The following FHOD3 variants were observed in gnomAD, a reference collection of about 807,000 sequenced individuals.
The protein encoded by FHOD3 is formin homology 2 domain containing 3, also known as FH1/FH2 domain-containing protein 3.
In FHOD3, 90 loss-of-function variants were observed where a neutral mutation model predicts 173.0. The observed-to-expected ratio is 0.52, with a 90% CI of 0.44 to 0.62. FHOD3 has a LOEUF of 0.62. Among genes scored for constraint, FHOD3 ranks in the 20% least tolerant of loss-of-function variants. The pLI is 0.00. For missense variants in FHOD3, 1,945 were observed against 2,034.7 expected (o/e 0.96, Z 0.85); for synonymous variants, 828 against 823.0 (o/e 1.01, Z -0.10).
Position 36,660,594 on chromosome 18 carries a change from A to G in FHOD3, c.1835+2406A>G, listed in dbSNP as rs140497581. 4.3e-4 allele frequency among the ~76,000 whole-genome samples: 66 copies of G among 152,314 alleles called. 1 individual carries two copies. In the East Asian group the frequency reaches 0.013, roughly 29 times the overall value. On this transcript the variant is annotated intron_variant, in intron 14 of 28. Coordinates refer to ENST00000590592, the MANE Select transcript of FHOD3 (RefSeq NM_001281740.3). Reference sequence around the variant, plus strand: ...GGGTAAGAGGAGACGCAAAATGAGTAGAGGTTCAGGCTTGCACGAGTGTAT... The same window carrying G: ...GGGTAAGAGGAGACGCAAAATGAGTGGAGGTTCAGGCTTGCACGAGTGTAT...
At chr18:36,510,817 GAA>G (rs1326568390) in intron 4 of FHOD3, among the ~76,000 whole-genome samples, 12 of 152,034 alleles carry the variant, frequency 7.9e-5, no homozygotes, top group Non-Finnish European at 1.8e-4. Context: ...TGATTATCTT[GAA>G]GTCTGAGTTA....
At chr18:36,708,118 G>T (rs752636133) in intron 17 of FHOD3, among the ~76,000 whole-genome samples, 1 of 152,168 alleles carries the variant, frequency 6.6e-6, no homozygotes, top group East Asian at 1.9e-4. Context: ...AAGCCAGATT[G>T]TGCCATTTCC....
chr18:36,564,683 C>T (rs953370189), intron 5 of FHOD3, among the ~76,000 whole-genome samples: 3 of 152,128 alleles, frequency 2.0e-5, no homozygotes, highest in African/African-American at 7.2e-5. Context: ...GAAAGAAGCA[C>T]ATCAGTGTCA....
At chr18:36,532,221 A>G (rs2056813282) in intron 5 of FHOD3, among the ~76,000 whole-genome samples, 1 of 152,256 alleles carries the variant, frequency 6.6e-6, no homozygotes, top group Non-Finnish European at 1.5e-5. Flanking sequence ...GAGTACACCA[A>G]GAAAGTATGG....
intron 3 of FHOD3, among the ~76,000 whole-genome samples, chr18:36,390,792 T>A (rs1043293718): frequency 1.3e-5 from 2 of 152,064 alleles, no homozygotes; most frequent in African/African-American, 4.8e-5. Flanking sequence ...CTGGAGTGAT[T>A]CTCCACTCCC....
chr18:36,580,170 C>A (rs535071216), intron 6 of FHOD3, among the ~76,000 whole-genome samples: 1 of 152,180 alleles, frequency 6.6e-6, no homozygotes, highest in East Asian at 1.9e-4. Flanking sequence ...TTCCCAGCCT[C>A]CCCATCCTAC....
chr18:36,771,991 C>T (rs940274294), intron 28 of FHOD3, among the ~76,000 whole-genome samples: 1 of 152,218 alleles, frequency 6.6e-6, no homozygotes, highest in Non-Finnish European at 1.5e-5. Context: ...TTCTTAGACT[C>T]ATAATGTCAC....
chr18:36,532,975 G>T (rs2056848206), intron 5 of FHOD3, among the ~76,000 whole-genome samples: 1 of 152,212 alleles, frequency 6.6e-6, no homozygotes, highest in South Asian at 2.1e-4. Flanking sequence ...GCCCCATTGG[G>T]TGGCCTGCCT....
chr18:36,754,378 T>C (rs957436811), intron 24 of FHOD3, among the ~76,000 whole-genome samples: 1 of 152,196 alleles, frequency 6.6e-6, no homozygotes, highest in Non-Finnish European at 1.5e-5. Context: ...CTGTGTTCTT[T>C]CTCATTTCCT....
chr18:36,503,986 G>A (rs2055169343), intron 4 of FHOD3, among the ~76,000 whole-genome samples: 1 of 152,192 alleles, frequency 6.6e-6, no homozygotes, highest in South Asian at 2.1e-4. Context: ...GTTAAGTGGT[G>A]TGATCTTGGC....
chr18:36,540,213 G>A (rs978394344), intron 5 of FHOD3, among the ~76,000 whole-genome samples: 1 of 152,182 alleles, frequency 6.6e-6, no homozygotes, highest in African/African-American at 2.4e-5. Context: ...GTAATGTCAC[G>A]TGTCAAAGCA....
At chr18:36,409,971 A>C (rs2049270803) in intron 3 of FHOD3, among the ~76,000 whole-genome samples, 1 of 152,236 alleles carries the variant, frequency 6.6e-6, no homozygotes, top group Non-Finnish European at 1.5e-5. Flanking sequence ...CATGCCTGTC[A>C]TGATGCTGTG....
chr18:36,500,979 C>T (rs774839267), intron 3 of FHOD3, among the ~76,000 whole-genome samples: 6 of 152,126 alleles, frequency 3.9e-5, no homozygotes, highest in Non-Finnish European at 5.9e-5. Context: ...GGACTCCCTC[C>T]GGTGTGTCTT....
chr18:36,379,216 C>G (rs140894752), intron 3 of FHOD3, among the ~76,000 whole-genome samples: 11 of 152,268 alleles, frequency 7.2e-5, no homozygotes, highest in African/African-American at 2.6e-4. Flanking sequence ...GTGGAACCTT[C>G]TGGATAGGGC....
chr18:36,414,860 C>G (rs1211857451), intron 3 of FHOD3, among the ~76,000 whole-genome samples: 1 of 152,186 alleles, frequency 6.6e-6, no homozygotes, highest in Non-Finnish European at 1.5e-5. Flanking sequence ...GATCACTTGG[C>G]TTGTGGCAGC....
At position 36,312,380 on chromosome 18, in the gene FHOD3, C is replaced by T. The variant is rs952117779; in HGVS notation, c.165+14380C>T. 2.6e-5 allele frequency among the ~76,000 whole-genome samples: 4 copies of T among 152,136 alleles called. No individual in the cohort carries two copies. The South Asian group carries it at 8.3e-4, about 32-fold the overall frequency. On this transcript the variant is annotated intron_variant, in intron 1 of 28. Coordinates refer to ENST00000590592, the MANE Select transcript of FHOD3 (RefSeq NM_001281740.3). ...GGCTTTGAGGGCTTTCTGACGACCC[C>T]CTAGAGCTGACCCCTGGCTCAGCTC...
At chr18:36,429,525 G>A (rs980215441) in intron 3 of FHOD3, among the ~76,000 whole-genome samples, 1 of 152,138 alleles carries the variant, frequency 6.6e-6, no homozygotes, top group African/African-American at 2.4e-5. Context: ...ATTTTTATTT[G>A]CCACATGCGA....
intron 3 of FHOD3, among the ~76,000 whole-genome samples, chr18:36,492,782 T>C (rs2054536271): frequency 6.6e-6 from 1 of 152,140 alleles, no homozygotes; most frequent in Admixed American, 6.5e-5. Context: ...CTCACAGTCA[T>C]CCCCACAGAC....
intron 3 of FHOD3, among the ~76,000 whole-genome samples, chr18:36,499,642 G>T (rs368475095): frequency 3.9e-5 from 6 of 152,242 alleles, no homozygotes; most frequent in African/African-American, 1.4e-4. Flanking sequence ...AGAGACCAGG[G>T]TTCTACTCCA....
Sources: gnomAD v4.1 joint callset for allele counts (sites outside exome capture counted in the v4.1 genomes callset) on GRCh38, gnomAD v4.1.1 for gene constraint, MANE v1.5 for transcripts, NCBI Gene and HGNC (gene_info 2026-07-23, HGNC 2026-07-21) for gene names.